Variants in ADGRG2 observed in about 807,000 individuals in gnomAD.
ADGRG2 encodes the protein adhesion G protein-coupled receptor G2.
ADGRG2 carries 26 observed loss-of-function variants against 74.1 expected under a neutral mutation model. The ratio of observed to expected loss-of-function variants is 0.35; its 90% CI spans 0.26 to 0.49. The LOEUF is 0.49. ADGRG2 is among the 20% of genes least tolerant of loss of function. The pLI, the probability that ADGRG2 is intolerant of heterozygous loss-of-function variation, is 0.99. For missense variants in ADGRG2, 619 were observed against 763.1 expected (o/e 0.81, Z 2.22); for synonymous variants, 296 against 295.2 (o/e 1.00, Z -0.03).
intron 1 of ADGRG2, among the ~76,000 whole-genome samples, chrX:19,112,227 A>G (rs1235622156): frequency 9.1e-6 from 1 of 110,347 alleles, no homozygotes; most frequent in Non-Finnish European, 1.9e-5. Context: ...ACATACCACC[A>G]TGCCTGGCTA....
chrX:19,087,887 T>TCCTTC (rs769386519), intron 1 of ADGRG2, among the ~76,000 whole-genome samples: 2 of 111,535 alleles, frequency 1.8e-5, no homozygotes, highest in South Asian at 3.8e-4. Context: ...GTCCCCGTTT[T>TCCTTC]CCTTCCCTTC....
chrX:18,999,991 A>ATT lies in ADGRG2; in HGVS notation c.2231-33_2231-32dup, dbSNP rs754958892. On this transcript the variant is annotated intron_variant, in intron 24 of 28. Transcript: ENST00000379869. Reference sequence around the variant, plus strand: ...AGATGGGAAACATTGGTCACACCTAATTTTTTTTTTTTTTTTTTTTGAGAC... The same window carrying ATT: ...AGATGGGAAACATTGGTCACACCTAATTTTTTTTTTTTTTTTTTTTTTGAGAC... 9.0e-3 allele frequency: 4,973 copies of ATT among 552,230 alleles called. 18 individuals are homozygous for ATT. The highest frequency in any genetic ancestry group is 0.026 in the African/African-American group (933 of 36,088). The allele number at this position is 552,230 out of a possible 1,213,427, so 45.5% of individuals were successfully genotyped here.
chrX:19,112,314 T>C (rs2062425841), intron 1 of ADGRG2, among the ~76,000 whole-genome samples: 1 of 110,737 alleles, frequency 9.0e-6, no homozygotes, highest in Non-Finnish European at 1.9e-5. Flanking sequence ...GCTCAACTGA[T>C]CCTCCAAGTA....
chrX:19,099,871 C>CA (rs2062158242), intron 1 of ADGRG2, among the ~76,000 whole-genome samples: 1 of 110,853 alleles, frequency 9.0e-6, no homozygotes, highest in Non-Finnish European at 1.9e-5. Context: ...CCCATCTCTA[C>CA]AAAAAATTCA....
chrX:19,027,288 A>C lies in ADGRG2; in HGVS notation c.415-14T>G. ...TATATGTTGATTCTGTTAGAAGCAT[A>C]AAATCATTAAGAATATAACAAACAT... is the stretch of plus-strand genomic sequence containing the variant. On this transcript the variant is annotated splice_polypyrimidine_tract_variant and intron_variant, in intron 10 of 28. Coordinates refer to ENST00000379869, the MANE Select transcript of ADGRG2 (RefSeq NM_001079858.3). 9.8e-7 allele frequency: 1 copy of C among 1,023,297 alleles called. No individual in the cohort carries two copies. The highest frequency in any genetic ancestry group is 1.4e-6 in the Non-Finnish European group (1 of 723,790). The allele number at this position is 1,023,297 out of a possible 1,213,427, so 84.3% of individuals were successfully genotyped here.
chrX:19,088,945 G>T (rs916700548), intron 1 of ADGRG2, among the ~76,000 whole-genome samples: 2 of 111,513 alleles, frequency 1.8e-5, no homozygotes, highest in African/African-American at 6.5e-5. Context: ...ACAAATTAAG[G>T]CTGGTGCATT....
At position 18,994,962 on chromosome X, in the gene ADGRG2, T is replaced by C. The variant is rs2059990651; in HGVS notation, c.2803A>G (p.Ser935Gly). Reference protein sequence around the residue: ...SSSSNSLQSSSNSTNSTTLLV... With the variant: ...SSSSNSLQSSGNSTNSTTLLV... ...AGTGTGGTGGAGTTAGTGGAGTTAC[T>C]GCTTGACTGTAAGGAATTTGAAGAG... Residue 935 changes from serine to glycine, a missense_variant, in exon 28 of 29, where the codon AGT becomes GGT. By Grantham distance (56) the Ser-to-Gly change is moderately conservative. This residue lies in a region of ADGRG2 where 106 missense variants were observed against 104.5 expected (regional missense o/e 1.01). Transcript: ENST00000379869. 8.3e-7 allele frequency: 1 copy of C among 1,198,644 alleles called. No homozygotes were observed.
intron 15 of ADGRG2, among the ~76,000 whole-genome samples, chrX:19,019,164 G>A (rs1046519131): frequency 8.9e-6 from 1 of 111,774 alleles, no homozygotes; most frequent in African/African-American, 3.3e-5. Flanking sequence ...TTAAATAATG[G>A]ATCAGATATC....
At chrX:19,042,922 C>T (rs2061100076) in intron 3 of ADGRG2, among the ~76,000 whole-genome samples, 1 of 110,033 alleles carries the variant, frequency 9.1e-6, no homozygotes, top group Non-Finnish European at 1.9e-5. Context: ...ACCCAGGAGG[C>T]GGAGGTTGCA....
intron 2 of ADGRG2, among the ~76,000 whole-genome samples, chrX:19,069,807 T>TA (rs2061624484): frequency 9.0e-6 from 1 of 111,657 alleles, no homozygotes; most frequent in Non-Finnish European, 1.9e-5. Flanking sequence ...TCATCAGCAA[T>TA]AAAATCCTCT....
chrX:19,001,150 G>A (rs1371205105), intron 24 of ADGRG2, among the ~76,000 whole-genome samples: 2 of 111,628 alleles, frequency 1.8e-5, no homozygotes, highest in Non-Finnish European at 3.8e-5. Flanking sequence ...ACCCAGTGAA[G>A]GATGGAGGGT....
At chrX:19,043,873 G>A (rs145486064) in intron 3 of ADGRG2, among the ~76,000 whole-genome samples, 2 of 109,964 alleles carry the variant, frequency 1.8e-5, no homozygotes, top group East Asian at 5.7e-4. Context: ...CTCCAACTCA[G>A]TATATCCAAG....
At chrX:18,992,663 C>T (rs2059942607) in intron 28 of ADGRG2, among the ~76,000 whole-genome samples, 1 of 112,130 alleles carries the variant, frequency 8.9e-6, no homozygotes, top group South Asian at 3.7e-4. Flanking sequence ...ACTGAGGAGT[C>T]AGGAATGGTT....
At chrX:19,084,853 A>T (rs2061913466) in intron 1 of ADGRG2, among the ~76,000 whole-genome samples, 1 of 112,429 alleles carries the variant, frequency 8.9e-6, no homozygotes, top group Non-Finnish European at 1.9e-5. Context: ...AGGGCAAGCA[A>T]CATGACATTT....
chrX:19,000,354 T>G (rs1357751307), intron 24 of ADGRG2, among the ~76,000 whole-genome samples: 1 of 111,537 alleles, frequency 9.0e-6, no homozygotes, highest in African/African-American at 3.3e-5. Flanking sequence ...CACATCCTAT[T>G]TACATCTTGT....
At chrX:19,037,705 C>G (rs992246967) in intron 4 of ADGRG2, 69 bp from the exon 5 acceptor site, 4 of 775,219 alleles carry the variant, frequency 5.2e-6, no homozygotes, top group Admixed American at 3.8e-5. Context: ...AGAATTAAAA[C>G]TTTTGAGATA....
chrX:18,998,368 C>T (rs762065852), intron 26 of ADGRG2, among the ~76,000 whole-genome samples: 3 of 110,648 alleles, frequency 2.7e-5, no homozygotes, highest in East Asian at 2.8e-4. Context: ...GAATAATTGA[C>T]TTTTTCAAAA....
In ADGRG2 at chrX:18,990,169, C is replaced by G. The variant is rs1306349421; in HGVS notation, c.*695G>C. The G allele has an allele frequency of 8.9e-6, 1 of 112,702 alleles. No homozygotes were observed. The highest frequency in any genetic ancestry group is 3.2e-5 in the African/African-American group (1 of 30,923). 9.3% of individuals were successfully genotyped at this position (112,702 alleles called of 1,213,427 possible). A position where few individuals can be genotyped will look rare whatever the true frequency, so the allele number is the denominator to read the frequency against. On this transcript the variant is annotated 3_prime_UTR_variant, in exon 29 of 29. Transcript: ENST00000379869. Reference sequence around the variant, plus strand: ...GGCTGTGTCTGCCCAGTGGGGGCATCTTTTCCTAACTTGCTCAAAGGCACT... The same window carrying G: ...GGCTGTGTCTGCCCAGTGGGGGCATGTTTTCCTAACTTGCTCAAAGGCACT...
intron 1 of ADGRG2, among the ~76,000 whole-genome samples, chrX:19,103,817 G>T (rs1418631831): frequency 9.0e-6 from 1 of 111,535 alleles, no homozygotes. Context: ...AGGACAGTGT[G>T]CCCAGTGAGG....
Sources: gnomAD v4.1 joint callset for allele counts (sites outside exome capture counted in the v4.1 genomes callset) on GRCh38, gnomAD v4.1.1 for gene constraint, gnomAD v4.1.1 regional missense constraint, MANE v1.5 for transcripts, NCBI Gene and HGNC (gene_info 2026-07-23, HGNC 2026-07-21) for gene names.